Variants in CHAT observed in about 807,000 individuals in gnomAD.
CHAT encodes the protein acetyl CoA:choline O-acetyltransferase.
A neutral mutation model predicts 76.9 loss-of-function variants in CHAT; 61 were observed. That is an observed-to-expected ratio of 0.79 (90% CI 0.65 to 0.98). The LOEUF is 0.98. CHAT is among the 50% of genes least tolerant of loss of function. The pLI, the probability that CHAT is intolerant of heterozygous loss-of-function variation, is 0.00. For synonymous variants in CHAT, 407 were observed against 397.4 expected, an observed-to-expected ratio of 1.02 and a Z score of -0.29; for missense variants, 946 against 986.9, an observed-to-expected ratio of 0.96 and a Z score of 0.56.
chr10:49,663,720 A>G (rs1840269666), intron 14 of CHAT, among the ~76,000 whole-genome samples: 1 of 152,196 alleles, frequency 6.6e-6, no homozygotes, highest in Admixed American at 6.5e-5. Flanking sequence ...GCAGTACTGG[A>G]GTTGATAAGC....
At chr10:49,609,962 C>A (rs1838245013), upstream of CHAT, among the ~76,000 whole-genome samples, 1 of 152,082 alleles carries the variant, frequency 6.6e-6, no homozygotes, top group South Asian at 2.1e-4. Flanking sequence ...CCGGCTGCCG[C>A]GCCCCCTTCC....
intron 4 of CHAT, 137 bp downstream of exon 4, chr10:49,620,750 C>A: frequency 5.5e-6 from 4 of 721,340 alleles, no homozygotes; most frequent in Non-Finnish European, 5.0e-6. Context: ...AGACAGTGGA[C>A]GTCCAGGCCA....
chr10:49,614,934 C>A (rs1838430109), intron 1 of CHAT, among the ~76,000 whole-genome samples: 4 of 152,206 alleles, frequency 2.6e-5, no homozygotes, highest in Admixed American at 2.0e-4. Context: ...TGGGGTTGGA[C>A]CTTCGGGGCA....
intron 4 of CHAT, among the ~76,000 whole-genome samples, chr10:49,621,524 C>A (rs1168887713): frequency 2.6e-5 from 4 of 152,158 alleles, no homozygotes; most frequent in African/African-American, 9.7e-5. Flanking sequence ...TTTCCCCAAG[C>A]ACTCGATTTC....
intron 10 of CHAT, among the ~76,000 whole-genome samples, chr10:49,649,885 T>A (rs1164186218): frequency 6.9e-6 from 1 of 145,460 alleles, no homozygotes; most frequent in Non-Finnish European, 1.5e-5. Context: ...TTTTTTTTTT[T>A]TTTTTTTTTC....
At chr10:49,631,698 T>G (rs1254530148) in intron 7 of CHAT, among the ~76,000 whole-genome samples, 1 of 152,158 alleles carries the variant, frequency 6.6e-6, no homozygotes, top group African/African-American at 2.4e-5. Flanking sequence ...TGCTTGAAAC[T>G]GAGACTTTAG....
intron 2 of CHAT, among the ~76,000 whole-genome samples, chr10:49,617,090 T>A (rs1354347040): frequency 6.6e-6 from 1 of 152,116 alleles, no homozygotes; most frequent in Middle Eastern, 3.2e-3. Flanking sequence ...CCAGCCAGCC[T>A]TCGGGTGGCA....
intron 7 of CHAT, among the ~76,000 whole-genome samples, chr10:49,634,842 A>G (rs4838539): frequency 0.97 from 147,399 of 152,290 alleles, 71,552 homozygotes; most frequent in Middle Eastern, 1. Flanking sequence ...AGAAGAAAGA[A>G]CACTTCTTGG....
rs74133816 is a variant in CHAT at position 49,625,848 on chromosome 10, G to A, written c.933+195G>A. Among the ~76,000 whole-genome samples, 1,939 of 152,292 alleles carry A rather than the reference G, an allele frequency of 0.013. 39 individuals are homozygous for A. The highest frequency in any genetic ancestry group is 0.043 in the African/African-American group (1,797 of 41,550). ...TCCACCAGTTGCCTTCTAAGAATGAGAGCCGTCAGTTTGAGAATATCCTCA... is the reference window on the plus strand; with the variant it reads ...TCCACCAGTTGCCTTCTAAGAATGAAAGCCGTCAGTTTGAGAATATCCTCA... On this transcript the variant is annotated intron_variant, in intron 6 of 14. Transcript: ENST00000337653.
rs866793632 is a variant in CHAT at position 49,645,300 on chromosome 10, C to T, written c.1112-1205C>T. On this transcript the variant is annotated intron_variant, in intron 7 of 14. Coordinates refer to ENST00000337653, the MANE Select transcript of CHAT (RefSeq NM_020549.5). ...ACTCTCACCCCTGCCCTGGGTGCCTCATCCTGTCCCAGCATCCAGCCCCCA... is the reference window on the plus strand; with the variant it reads ...ACTCTCACCCCTGCCCTGGGTGCCTTATCCTGTCCCAGCATCCAGCCCCCA... Among the ~76,000 whole-genome samples the T allele has an allele frequency of 1.1e-4, 16 of 152,350 alleles. 1 individual carries two copies. The South Asian group carries it at 3.3e-3, about 32-fold the overall frequency.
At chr10:49,615,773 T>C in intron 1 of CHAT, 1 of 539,352 alleles carries the variant, frequency 1.9e-6, no homozygotes, top group Middle Eastern at 4.8e-4. Flanking sequence ...CTCCCCAGAC[T>C]AAGGCAGGTG....
rs1016283273 is a variant in CHAT, at chr10:49,614,281, T to G, written c.92T>G (p.Val31Gly). 40 of 1,547,638 alleles carry G rather than the reference T, an allele frequency of 2.6e-5. No homozygotes were observed. The Middle Eastern group carries it at 6.5e-4, about 25-fold the overall frequency. ...GGAGGTACAAGAGGAAGGAGAGAAGTGCGGCCAGCTTGCTTTCTCCAGTCG... is the reference window on the plus strand; with the variant it reads ...GGAGGTACAAGAGGAAGGAGAGAAGGGCGGCCAGCTTGCTTTCTCCAGTCG... Reference protein sequence around the residue: ...EGGGTRGRREVRPACFLQSGG... With the variant: ...EGGGTRGRREGRPACFLQSGG... Residue 31 changes from valine to glycine, a missense_variant, in exon 1 of 15, where the codon GTG becomes GGG. Val to Gly is a moderately radical substitution (Grantham distance 109, BLOSUM62 -3). Transcript: ENST00000337653.
At chr10:49,653,529 A>G (rs1363926622) in intron 11 of CHAT, among the ~76,000 whole-genome samples, 2 of 152,192 alleles carry the variant, frequency 1.3e-5, no homozygotes, top group Non-Finnish European at 2.9e-5. Context: ...CCGTGTAGAC[A>G]CAGCAGCCCA....
chr10:49,645,564 A>G (rs1839632566), intron 7 of CHAT, among the ~76,000 whole-genome samples: 1 of 152,048 alleles, frequency 6.6e-6, no homozygotes. Context: ...CCTGGCCCCC[A>G]ACAGGTCCTG....
chr10:49,628,885 T>C (rs866416774), intron 7 of CHAT, among the ~76,000 whole-genome samples: 2 of 152,238 alleles, frequency 1.3e-5, no homozygotes, highest in Admixed American at 6.5e-5. Flanking sequence ...CCAGCAAAGG[T>C]GGCCTGAGCC....
upstream of CHAT, chr10:49,612,492 G>A (rs1293473460): frequency 9.6e-6 from 7 of 730,792 alleles, no homozygotes; most frequent in Non-Finnish European, 1.6e-5. Context: ...CCCTCCCTGT[G>A]ACCCGTTCCA....
chr10:49,619,035 G>A (rs1200756233), intron 2 of CHAT, among the ~76,000 whole-genome samples: 1 of 152,122 alleles, frequency 6.6e-6, no homozygotes, highest in Non-Finnish European at 1.5e-5. Flanking sequence ...TTCCCTGCCT[G>A]GGTTTTATAA....
chr10:49,662,713 G>A lies in CHAT; in HGVS notation c.1908G>A (p.Lys636=). Residue 636 remains lysine (K), a synonymous_variant, in exon 14 of 15, where the codon AAG becomes AAA. Coordinates refer to ENST00000337653, the MANE Select transcript of CHAT (RefSeq NM_020549.5). ...GGGAGCTGGCCCGGGCCATGTGCAA[G>A]GAGCTGCCCGAGATGTTCATGGATG... The part of the protein sequence containing the change: ...ALRELARAMC[K]ELPEMFMDET... 2 of 1,614,242 alleles carry A rather than the reference G, an allele frequency of 1.2e-6. No individual in the cohort carries two copies. Among genetic ancestry groups the A allele is most frequent in the Non-Finnish European group, 1.7e-6 (2 of 1,180,046 alleles).
upstream of CHAT, among the ~76,000 whole-genome samples, chr10:49,613,409 T>TGA (rs1424463048): frequency 6.6e-6 from 1 of 152,070 alleles, no homozygotes; most frequent in Non-Finnish European, 1.5e-5. Flanking sequence ...AAGTTTCCCA[T>TGA]CCTTAGTCCC....
Sources: gnomAD v4.1 joint callset for allele counts (sites outside exome capture counted in the v4.1 genomes callset) on GRCh38, gnomAD v4.1.1 for gene constraint, MANE v1.5 for transcripts, NCBI Gene and HGNC (gene_info 2026-07-23, HGNC 2026-07-21) for gene names.